The following NDUFA5 variants were observed in gnomAD, a reference collection of about 807,000 sequenced individuals.
NDUFA5 encodes the protein NADH:ubiquinone oxidoreductase subunit A5.
A neutral mutation model predicts 19.8 loss-of-function variants in NDUFA5; 11 were observed. That is an observed-to-expected ratio of 0.56 (90% CI 0.35 to 0.92). NDUFA5 has a LOEUF of 0.92. Ranked by LOEUF, NDUFA5 falls within the 40% of genes least tolerant of loss-of-function variation. NDUFA5 has a pLI of 0.01. For synonymous variants in NDUFA5, 47 were observed against 46.8 expected (o/e 1.00, Z -0.01); for missense variants, 109 against 134.2 (o/e 0.81, Z 0.93).
At chr7:123,597,485 A>C in the NDUFA5 span, among the ~76,000 whole-genome samples, 1 of 152,220 alleles carries the variant, frequency 6.6e-6, no homozygotes, top group Admixed American at 6.5e-5. Flanking sequence ...CAGCATACAT[A>C]GAGTTCTGTA....
intron 3 of NDUFA5, chr7:123,546,664 C>T (rs1798144146): frequency 3.9e-6 from 5 of 1,283,506 alleles, no homozygotes; most frequent in South Asian, 3.8e-5. Context: ...ATACATTTTG[C>T]TTTTCAACAC....
chr7:123,590,004 T>C, the NDUFA5 span, among the ~76,000 whole-genome samples: 1 of 152,198 alleles, frequency 6.6e-6, no homozygotes, highest in Non-Finnish European at 1.5e-5. Context: ...TTTTTAATGA[T>C]TGTCATTCTA....
intron 2 of NDUFA5, among the ~76,000 whole-genome samples, chr7:123,554,193 A>G (rs1182123167): frequency 1.3e-5 from 2 of 152,240 alleles, no homozygotes; most frequent in East Asian, 1.9e-4. Flanking sequence ...GAAAAACACT[A>G]TAAAATACCA....
In NDUFA5 at chr7:123,548,306, C is replaced by G. The variant is rs141633141; in HGVS notation, c.183+2164G>C. Among the ~76,000 whole-genome samples, 568 of 152,150 alleles carry G rather than the reference C, an allele frequency of 3.7e-3. 8 individuals carry two copies. The highest frequency in any genetic ancestry group is 0.012 in the Admixed American group (183 of 15,298). On this transcript the variant is annotated intron_variant, in intron 3 of 4. Transcript: ENST00000355749. ...GGGATAAAGACACATTTCTAAGGAA[C>G]CTTATGTTCCAGGTACCATGCTAGA... is the stretch of plus-strand genomic sequence containing the variant.
the NDUFA5 span, among the ~76,000 whole-genome samples, chr7:123,597,917 C>CGTGTGTGTGTGTGT: frequency 1.5e-4 from 20 of 133,072 alleles, no homozygotes; most frequent in Middle Eastern, 7.9e-3. Flanking sequence ...TTTCAAACTT[C>CGTGTGTGTGTGTGT]GTGTGTGTGT....
At chr7:123,549,827 T>C (rs1446091601) in intron 3 of NDUFA5, among the ~76,000 whole-genome samples, 4 of 152,192 alleles carry the variant, frequency 2.6e-5, no homozygotes, top group Non-Finnish European at 5.9e-5. Flanking sequence ...TTTTGTTGCA[T>C]ACCTAACGAA....
chr7:123,555,354 C>T (rs188155999), intron 2 of NDUFA5: 2 of 152,178 alleles, frequency 1.3e-5, no homozygotes, highest in Admixed American at 6.5e-5. Context: ...TAAACAAGAA[C>T]AAGGACCTGA....
chr7:123,583,587 A>G, the NDUFA5 span, among the ~76,000 whole-genome samples: 1 of 151,988 alleles, frequency 6.6e-6, no homozygotes, highest in African/African-American at 2.4e-5. Context: ...TAAAAAGCTG[A>G]TTTTGATAAA....
chr7:123,570,680 T>A, the NDUFA5 span, among the ~76,000 whole-genome samples: 1 of 151,792 alleles, frequency 6.6e-6, no homozygotes, highest in African/African-American at 2.4e-5. Context: ...TGGTAAATCT[T>A]GTATTAGTTC....
upstream of NDUFA5, among the ~76,000 whole-genome samples, chr7:123,562,798 C>CTT (rs35492926): frequency 1.0e-3 from 136 of 136,028 alleles, no homozygotes; most frequent in African/African-American, 3.0e-3. Flanking sequence ...TTCTTTCTTT[C>CTT]TTTTTTTTTT....
chr7:123,539,984 T>G lies in NDUFA5; in HGVS notation c.*2135A>C, dbSNP rs1797872222. On this transcript the variant is annotated 3_prime_UTR_variant, in exon 5 of 5. Coordinates refer to ENST00000355749, the MANE Select transcript of NDUFA5 (RefSeq NM_005000.5). ...AGGAGCATCAGTTCTAGAACCAGAC[T>G]GCCTGGGTTCAAACTTCAGCTTCAC... 6.6e-6 allele frequency: 1 copy of G among 152,212 alleles called. No homozygotes were observed. The highest frequency in any genetic ancestry group is 2.4e-5 in the African/African-American group (1 of 41,444). 9.4% of individuals were successfully genotyped at this position (152,212 alleles called of 1,614,324 possible).
At chr7:123,600,245 T>C in the NDUFA5 span, among the ~76,000 whole-genome samples, 1 of 152,206 alleles carries the variant, frequency 6.6e-6, no homozygotes, top group Non-Finnish European at 1.5e-5. Flanking sequence ...ATGTCTTCAG[T>C]AACAGGCTCT....
At chr7:123,595,012 G>C in the NDUFA5 span, among the ~76,000 whole-genome samples, 5 of 152,276 alleles carry the variant, frequency 3.3e-5, no homozygotes, top group East Asian at 9.7e-4. Context: ...CTCAGCAATG[G>C]CAGATGCCCC....
At chr7:123,568,962 G>A in the NDUFA5 span, among the ~76,000 whole-genome samples, 1,231 of 152,190 alleles carry the variant, frequency 8.1e-3, 13 homozygotes, top group African/African-American at 0.028. Flanking sequence ...ATAAAATGGG[G>A]GACAGAAGAC....
chr7:123,594,565 C>T, the NDUFA5 span, among the ~76,000 whole-genome samples: 11 of 152,144 alleles, frequency 7.2e-5, no homozygotes, highest in African/African-American at 2.4e-4. Context: ...TTGGAGTTTG[C>T]TGGAGGTCCA....
chr7:123,564,492 G>T, the NDUFA5 span, among the ~76,000 whole-genome samples: 4 of 151,836 alleles, frequency 2.6e-5, no homozygotes, highest in Admixed American at 1.3e-4. Context: ...GAGAACCAGT[G>T]GGATATTTAA....
rs776309609 is a variant in NDUFA5 at position 123,545,644 on chromosome 7, A to T, written c.216T>A (p.Leu72=). The T allele has an allele frequency of 1.5e-5, 24 of 1,610,540 alleles. No homozygotes were observed. The highest frequency in any genetic ancestry group is 1.8e-5 in the Non-Finnish European group (21 of 1,178,878). ...TCACCTCTTCTAATTGACCGCCTTG[A>T]AGTTGGTCTTCTAATTTTTTAACAT... ...EPDVKKLEDQ[L]QGGQLEEVIL... is the part of the protein sequence containing the mutation. Residue 72 remains leucine (L), a synonymous_variant, in exon 4 of 5, where the codon CTT becomes CTA. Transcript: ENST00000355749.
chr7:123,551,015 T>A, intron 2 of NDUFA5, among the ~76,000 whole-genome samples: 1 of 152,132 alleles, frequency 6.6e-6, no homozygotes, highest in East Asian at 1.9e-4. Context: ...AACCTCCACC[T>A]CCCAGGTTCA....
the NDUFA5 span, among the ~76,000 whole-genome samples, chr7:123,565,098 C>G: frequency 6.6e-6 from 1 of 152,076 alleles, no homozygotes; most frequent in South Asian, 2.1e-4. Flanking sequence ...AGCCCAAAAG[C>G]CTGAAAACCC....
Sources: gnomAD v4.1 joint callset for allele counts (sites outside exome capture counted in the v4.1 genomes callset) on GRCh38, gnomAD v4.1.1 for gene constraint, MANE v1.5 for transcripts, NCBI Gene and HGNC (gene_info 2026-07-23, HGNC 2026-07-21) for gene names.